The following AGBL4 variants were observed in gnomAD, a reference collection of about 807,000 sequenced individuals.
AGBL4 encodes the protein cytosolic carboxypeptidase 6.
In AGBL4, 58 loss-of-function variants were observed where a neutral mutation model predicts 66.4. That is an observed-to-expected ratio of 0.87 (90% CI 0.71 to 1.09). The LOEUF (loss-of-function observed/expected upper bound fraction) is 1.09, where lower values mean the gene tolerates loss of function less well. AGBL4 is among the 50% of genes least tolerant of loss of function. The pLI, the probability that AGBL4 is intolerant of heterozygous loss-of-function variation, is 0.00. For missense variants in AGBL4, 579 were observed against 631.0 expected, an observed-to-expected ratio of 0.92 and a Z score of 0.88; for synonymous variants, 234 against 222.9, an observed-to-expected ratio of 1.05 and a Z score of -0.44.
intron 6 of AGBL4, among the ~76,000 whole-genome samples, chr1:48,857,573 T>C (rs1647205591): frequency 1.3e-5 from 2 of 151,914 alleles, no homozygotes; most frequent in Non-Finnish European, 2.9e-5. Flanking sequence ...TACAAAAAAT[T>C]AGCCGGGTGT....
At chr1:49,513,146 G>C (rs557481436) in intron 3 of AGBL4, among the ~76,000 whole-genome samples, 1 of 152,036 alleles carries the variant, frequency 6.6e-6, no homozygotes, top group African/African-American at 2.4e-5. Context: ...TAAACTCCAA[G>C]TTCAGTGTTC....
chr1:49,442,037 AT>A (rs1646045143), intron 3 of AGBL4, among the ~76,000 whole-genome samples: 2 of 152,318 alleles, frequency 1.3e-5, no homozygotes, highest in Non-Finnish European at 2.9e-5. Flanking sequence ...CCTCAGGGTG[AT>A]CAGCCAGCTA....
At chr1:49,693,456 T>C (rs1275645891) in intron 3 of AGBL4, among the ~76,000 whole-genome samples, 1 of 152,144 alleles carries the variant, frequency 6.6e-6, no homozygotes, top group Non-Finnish European at 1.5e-5. Context: ...TCTGTGATAA[T>C]ATTTAGGTTC....
intron 3 of AGBL4, among the ~76,000 whole-genome samples, chr1:49,449,133 C>G (rs1323304773): frequency 1.3e-5 from 2 of 151,762 alleles, no homozygotes; most frequent in African/African-American, 4.8e-5. Flanking sequence ...TATATAATAT[C>G]TCCATTTTAT....
chr1:48,589,817 G>T (rs185806247), intron 10 of AGBL4, among the ~76,000 whole-genome samples: 117 of 152,288 alleles, frequency 7.7e-4, no homozygotes, highest in African/African-American at 2.7e-3. Context: ...AAAGAATGGT[G>T]GGCATACAAC....
At chr1:49,567,776 C>T (rs2148865809) in intron 3 of AGBL4, among the ~76,000 whole-genome samples, 1 of 152,080 alleles carries the variant, frequency 6.6e-6, no homozygotes, top group African/African-American at 2.4e-5. Flanking sequence ...AAAGACACAG[C>T]AAAAGAAGAA....
intron 1 of AGBL4, among the ~76,000 whole-genome samples, chr1:49,942,334 C>G (rs1654836262): frequency 6.6e-6 from 1 of 151,940 alleles, no homozygotes; most frequent in African/African-American, 2.4e-5. Flanking sequence ...ATAGAAAAAA[C>G]AATCCTAAAA....
intron 6 of AGBL4, among the ~76,000 whole-genome samples, chr1:48,734,170 C>T (rs901054661): frequency 7.2e-5 from 11 of 152,142 alleles, no homozygotes; most frequent in South Asian, 2.1e-4. Context: ...CAAAAATAAG[C>T]GGCTGCCTAA....
chr1:49,899,178 C>G (rs1261755398), intron 1 of AGBL4, among the ~76,000 whole-genome samples: 1 of 151,886 alleles, frequency 6.6e-6, no homozygotes, highest in Admixed American at 6.6e-5. Flanking sequence ...GATGAATACC[C>G]AATTTTCCAT....
At chr1:48,556,744 A>G (rs1444832616) in intron 11 of AGBL4, among the ~76,000 whole-genome samples, 1 of 152,166 alleles carries the variant, frequency 6.6e-6, no homozygotes, top group Non-Finnish European at 1.5e-5. Flanking sequence ...TGGTAAATTT[A>G]CATTGTATGT....
chr1:48,708,147 A>G (rs945650009), intron 6 of AGBL4, among the ~76,000 whole-genome samples: 1 of 152,204 alleles, frequency 6.6e-6, no homozygotes, highest in African/African-American at 2.4e-5. Context: ...TTCTTTCACA[A>G]CCGAATCCAG....
intron 6 of AGBL4, among the ~76,000 whole-genome samples, chr1:48,849,620 C>T (rs1170908534): frequency 6.6e-6 from 1 of 152,220 alleles, no homozygotes; most frequent in African/African-American, 2.4e-5. Flanking sequence ...TCTGCTGCTT[C>T]TAGGATGACA....
intron 2 of AGBL4, among the ~76,000 whole-genome samples, chr1:49,703,683 A>G (rs1226288100): frequency 6.6e-6 from 1 of 152,036 alleles, no homozygotes; most frequent in African/African-American, 2.4e-5. Flanking sequence ...GTGTCCTTCT[A>G]TTCAACATTT....
chr1:49,056,167 T>C (rs12037039), intron 4 of AGBL4, among the ~76,000 whole-genome samples: 6,805 of 152,204 alleles, frequency 0.045, 205 homozygotes, highest in East Asian at 0.11. Flanking sequence ...TACTGCCTGT[T>C]TTATTTGTCA....
chr1:49,493,818 T>C (rs1469822899), intron 3 of AGBL4, among the ~76,000 whole-genome samples: 1 of 152,086 alleles, frequency 6.6e-6, no homozygotes, highest in Non-Finnish European at 1.5e-5. Flanking sequence ...AAATAAATTG[T>C]TCTCTCTAGT....
intron 3 of AGBL4, among the ~76,000 whole-genome samples, chr1:49,565,512 C>T (rs967836952): frequency 1.9e-4 from 29 of 152,280 alleles, no homozygotes; most frequent in Non-Finnish European, 3.7e-4. Flanking sequence ...GTGACAAAAT[C>T]TCTCAGCATT....
At chr1:49,845,036 TA>T in intron 2 of AGBL4, 8 of 1,439,942 alleles carry the variant, frequency 5.6e-6, no homozygotes, top group Non-Finnish European at 7.6e-6. Flanking sequence ...AAGCCAGACC[TA>T]AATGCTCTAC....
At chr1:49,877,554 G>T (rs139583059) in intron 1 of AGBL4, among the ~76,000 whole-genome samples, 78,018 of 150,664 alleles carry the variant, frequency 0.52, 21,612 homozygotes, top group Non-Finnish European at 0.62. Context: ...TGCTGGATTC[G>T]GTTTGCCAGT....
intron 9 of AGBL4, among the ~76,000 whole-genome samples, chr1:48,591,674 G>C (rs1644920709): frequency 6.6e-6 from 1 of 152,144 alleles, no homozygotes; most frequent in Non-Finnish European, 1.5e-5. Flanking sequence ...TTTACATATA[G>C]AGTCTTAGTT....
Sources: gnomAD v4.1 joint callset for allele counts (sites outside exome capture counted in the v4.1 genomes callset) on GRCh38, gnomAD v4.1.1 for gene constraint, MANE v1.5 for transcripts, NCBI Gene and HGNC (gene_info 2026-07-23, HGNC 2026-07-21) for gene names.